The following USP39 variants were observed in gnomAD, a reference collection of about 807,000 sequenced individuals.
USP39 encodes the protein ubiquitin specific peptidase 39.
USP39 carries 38 observed loss-of-function variants against 66.4 expected under a neutral mutation model. The ratio of observed to expected loss-of-function variants is 0.57; its 90% CI spans 0.44 to 0.75. USP39 has a LOEUF of 0.75. Among genes scored for constraint, USP39 ranks in the 30% least tolerant of loss-of-function variants. The probability of loss-of-function intolerance (pLI) is 0.00; values close to 1 mark genes in which losing one functional copy is unlikely to be tolerated. For synonymous variants in USP39, 303 were observed against 274.6 expected, an observed-to-expected ratio of 1.10 and a Z score of -1.02; for missense variants, 608 against 714.4, an observed-to-expected ratio of 0.85 and a Z score of 1.70.
intron 1 of USP39, among the ~76,000 whole-genome samples, chr2:85,618,838 C>CT: frequency 6.6e-6 from 1 of 151,882 alleles, no homozygotes; most frequent in East Asian, 2.0e-4. Flanking sequence ...GGTACGATCT[C>CT]TGCTCACTGC....
At chr2:85,639,125 G>T (rs535101205) in intron 8 of USP39, 78 bp from the exon 9 acceptor site, 3 of 1,375,884 alleles carry the variant, frequency 2.2e-6, no homozygotes, top group East Asian at 4.9e-5. Flanking sequence ...AAATGTCGGC[G>T]TGGTAAAACA....
chr2:85,631,442 G>A (rs775437369), intron 6 of USP39, among the ~76,000 whole-genome samples: 13 of 150,010 alleles, frequency 8.7e-5, no homozygotes, highest in Non-Finnish European at 1.8e-4. Flanking sequence ...TCAGCTTCAA[G>A]TAGCTATGAT....
rs1290628708 is a variant in USP39, at chr2:85,644,935, T to TAAA, written c.1428-11_1428-10insAAA. The TAAA allele has an allele frequency of 1.2e-6, 2 of 1,613,824 alleles. No homozygotes were observed. Among genetic ancestry groups the TAAA allele is most frequent in the African/African-American group, 2.7e-5 (2 of 74,922 alleles). ...TTGTCTGATTATTCCGGCTTTATTT[T>TAAA]AACCATTAACAGAAATGTGGATCTG... On this transcript the variant is annotated splice_polypyrimidine_tract_variant and intron_variant, in intron 10 of 12. Transcript: ENST00000323701.
At position 85,616,403 on chromosome 2, in the gene USP39, G is replaced by C; in HGVS notation, c.208G>C (p.Val70Leu). ...GGCCCCGGCTTCTGTTGTCCCGTTT[G>C]TGCGGGTGAAGCGGGAGCGCGAGGT... The part of the protein sequence containing the change: ...REAPASVVPF[V>L]RVKREREVDE... The change falls in exon 1 of 13, where the codon GTG becomes CTG. Residue 70 changes from valine to leucine, a missense_variant. Physicochemically the swap from Val to Leu is conservative, Grantham distance 32. Transcript: ENST00000323701. The C allele has an allele frequency of 6.2e-7, 1 of 1,602,936 alleles. No homozygotes were observed. Among genetic ancestry groups the C allele is most frequent in the Non-Finnish European group, 8.5e-7 (1 of 1,174,596 alleles).
At chr2:85,611,251 AATTGACCGTCAT>A, upstream of USP39, 1 of 1,356,342 alleles carries the variant, frequency 7.4e-7, no homozygotes, top group Non-Finnish European at 9.4e-7. Flanking sequence ...GCTTAACAAA[AATTGACCGTCAT>A]ATATTAACCA....
chr2:85,624,567 GCT>G (rs1289989197), intron 4 of USP39, among the ~76,000 whole-genome samples: 4 of 152,100 alleles, frequency 2.6e-5, no homozygotes, highest in Non-Finnish European at 5.9e-5. Context: ...AGTTGTTCAT[GCT>G]CTGTTTATTT....
At chr2:85,604,143 A>G (rs184816337) in intron 1 of USP39, among the ~76,000 whole-genome samples, 1 of 152,334 alleles carries the variant, frequency 6.6e-6, no homozygotes, top group East Asian at 1.9e-4. Context: ...AAACTGCACA[A>G]TGACTTGAAG....
chr2:85,618,699 ATCT>A (rs1050245554), intron 1 of USP39, among the ~76,000 whole-genome samples: 5 of 151,820 alleles, frequency 3.3e-5, no homozygotes, highest in African/African-American at 9.7e-5. Flanking sequence ...ATGCAAACAA[ATCT>A]TCTGTTGATT....
chr2:85,635,286 G>T (rs932040860), intron 6 of USP39, among the ~76,000 whole-genome samples: 2 of 152,168 alleles, frequency 1.3e-5, no homozygotes, highest in Non-Finnish European at 2.9e-5. Flanking sequence ...CTGGCTGGGC[G>T]CAGTGGCTCA....
intron 10 of USP39, among the ~76,000 whole-genome samples, chr2:85,642,129 C>T (rs1676279500): frequency 6.6e-6 from 1 of 151,902 alleles, no homozygotes; most frequent in Admixed American, 6.6e-5. Flanking sequence ...AGGGGTTTGT[C>T]CAGGTGTAAC....
chr2:85,616,806 T>C (rs963597033), intron 1 of USP39, among the ~76,000 whole-genome samples: 11 of 151,166 alleles, frequency 7.3e-5, no homozygotes, highest in Admixed American at 2.6e-4. Context: ...GCCTCCCAGG[T>C]AGCTGGGATT....
At chr2:85,621,350 A>C (rs1043833333) in intron 2 of USP39, 135 bp from the exon 3 acceptor site, 1 of 672,824 alleles carries the variant, frequency 1.5e-6, no homozygotes, top group Middle Eastern at 2.7e-4. Flanking sequence ...AGTGTCCCCC[A>C]TGGTGTATAT....
At chr2:85,616,032 G>T, upstream of USP39, 1 of 1,275,454 alleles carries the variant, frequency 7.8e-7, no homozygotes, top group Non-Finnish European at 9.9e-7. Flanking sequence ...GAGGAAGCCA[G>T]TGCAGGAACA....
chr2:85,611,499 C>T (rs1208745258), upstream of USP39: 3 of 1,550,732 alleles, frequency 1.9e-6, no homozygotes, highest in Non-Finnish European at 8.7e-7. Flanking sequence ...CGTCCCAGTT[C>T]TTGGTGAGAA....
chr2:85,629,589 C>G (rs949795916), intron 5 of USP39, among the ~76,000 whole-genome samples: 1 of 150,636 alleles, frequency 6.6e-6, no homozygotes, highest in African/African-American at 2.4e-5. Context: ...CTCCGCCTCC[C>G]GGGTTCAAGT....
At chr2:85,607,869 T>G (rs985620479), upstream of USP39, 1 of 152,054 alleles carries the variant, frequency 6.6e-6, no homozygotes, top group Non-Finnish European at 1.5e-5. Flanking sequence ...TTAGAAAAAA[T>G]GTTCACCGGG....
Position 85,639,228 on chromosome 2 carries a change from T to G in USP39, c.1121T>G (p.Leu374Arg), listed in dbSNP as rs750594033. The change falls in exon 9 of 13, where the codon CTC becomes CGC. Residue 374 changes from leucine (L) to arginine (R), a missense_variant. Transcript: ENST00000323701. ...DLPAEEKEQL[L>R]HNDEYQETMV... ...CCAGCAGAAGAAAAAGAGCAGTTGC[T>G]CCATAATGACGAGTACCAGGAGACA... 6.2e-7 allele frequency: 1 copy of G among 1,612,716 alleles called. No individual in the cohort carries two copies. Among genetic ancestry groups the G allele is most frequent in the African/African-American group, 1.3e-5 (1 of 74,954 alleles).
At chr2:85,606,630 T>C (rs1042268603) in intron 1 of USP39, 10 of 152,166 alleles carry the variant, frequency 6.6e-5, no homozygotes, top group African/African-American at 2.4e-4. Flanking sequence ...ATATTAATAG[T>C]GTATATGCAC....
At position 85,616,309 on chromosome 2, in the gene USP39, T is replaced by G. The variant is rs777373269; in HGVS notation, c.114T>G (p.Pro38=). The G allele has an allele frequency of 6.3e-7, 1 of 1,581,046 alleles. No individual in the cohort carries two copies. The highest frequency in any genetic ancestry group is 8.6e-7 in the Non-Finnish European group (1 of 1,162,206). Reference sequence around the variant, plus strand: ...GGGAGCGAGATCGGGAGCGGGAGCCTGAGGCGGCGAGCTCCCGGGGCAGCC... The same window carrying G: ...GGGAGCGAGATCGGGAGCGGGAGCCGGAGGCGGCGAGCTCCCGGGGCAGCC... The part of the protein sequence containing the change: ...VKRERDRERE[P]EAASSRGSPV... The change falls in exon 1 of 13, where the codon CCT becomes CCG. Residue 38 remains proline, a synonymous_variant. Transcript: ENST00000323701.
Sources: gnomAD v4.1 joint callset for allele counts (sites outside exome capture counted in the v4.1 genomes callset) on GRCh38, gnomAD v4.1.1 for gene constraint, MANE v1.5 for transcripts, NCBI Gene and HGNC (gene_info 2026-07-23, HGNC 2026-07-21) for gene names.